The following DNAH11 variants were observed in gnomAD, a reference collection of about 807,000 sequenced individuals.
DNAH11 encodes axonemal beta dynein heavy chain 11.
A neutral mutation model predicts 526.0 loss-of-function variants in DNAH11; 442 were observed. That is an observed-to-expected ratio of 0.84 (90% CI 0.78 to 0.91). The LOEUF (loss-of-function observed/expected upper bound fraction) is 0.91, where lower values mean the gene tolerates loss of function less well. Ranked by LOEUF, DNAH11 falls within the 40% of genes least tolerant of loss-of-function variation. The pLI is 0.00. For missense variants in DNAH11, 6,989 were observed against 5,448.7 expected, an observed-to-expected ratio of 1.28 and a Z score of -8.90; for synonymous variants, 2,461 against 1,935.9, an observed-to-expected ratio of 1.27 and a Z score of -7.12.
chr7:21,799,686 T>TC (rs1160635070), intron 61 of DNAH11, among the ~76,000 whole-genome samples: 3 of 152,200 alleles, frequency 2.0e-5, no homozygotes, highest in African/African-American at 7.2e-5. Flanking sequence ...CCATCAATTC[T>TC]CATAAAGTTA....
chr7:21,614,400 A>G (rs1404736130), intron 20 of DNAH11, among the ~76,000 whole-genome samples: 1 of 152,080 alleles, frequency 6.6e-6, no homozygotes. Context: ...AACCTGAAGG[A>G]TTGCTTTCCT....
intron 65 of DNAH11, among the ~76,000 whole-genome samples, chr7:21,836,962 C>T (rs1782018394): frequency 6.6e-6 from 1 of 152,048 alleles, no homozygotes; most frequent in African/African-American, 2.4e-5. Flanking sequence ...TCTCAGAAGA[C>T]ATACAAATGA....
chr7:21,704,421 T>G lies in DNAH11; in HGVS notation c.6274-13T>G, dbSNP rs2965401. ...CTTGTATTGGCTTTTTTATAAAATG[T>G]TTTTTTTTCTAGGTACTCATGAGAG... is the stretch of plus-strand genomic sequence containing the variant. On this transcript the variant is annotated splice_polypyrimidine_tract_variant and intron_variant, in intron 37 of 81. Transcript: ENST00000409508. 0.27 allele frequency: 435,055 copies of G among 1,594,826 alleles called. 83,296 individuals are homozygous for G. Among genetic ancestry groups the G allele is most frequent in the African/African-American group, 0.82 (61,251 of 74,280 alleles).
intron 5 of DNAH11, among the ~76,000 whole-genome samples, chr7:21,563,167 AT>A (rs967628549): frequency 1.3e-5 from 2 of 151,794 alleles, no homozygotes; most frequent in African/African-American, 4.8e-5. Flanking sequence ...AAATATTTAA[AT>A]TTTTTTTCAT....
chr7:21,853,580 T>C (rs979983054), intron 67 of DNAH11, among the ~76,000 whole-genome samples: 11 of 152,350 alleles, frequency 7.2e-5, no homozygotes, highest in African/African-American at 2.6e-4. Context: ...TTTCCTTTTA[T>C]ACACAAATAT....
At position 21,655,865 on chromosome 7, in the gene DNAH11, A is replaced by G. The variant is rs1485427395; in HGVS notation, c.4978A>G (p.Ile1660Val). The change falls in exon 29 of 82, where the codon ATT becomes GTT. Residue 1660 changes from isoleucine (I) to valine (V), a missense_variant. Ile to Val is a conservative substitution (Grantham distance 29). Transcript: ENST00000409508. ...TCACCTTGCCAAACTTTTCGACAGC[A>G]TTGCAGATCTGCAGTTTGAAGACAA... Reference protein sequence around the residue: ...TCHLAKLFDSIADLQFEDNQD... With the variant: ...TCHLAKLFDSVADLQFEDNQD... 6 of 1,613,358 alleles carry G rather than the reference A, an allele frequency of 3.7e-6. No homozygotes were observed. In the South Asian group the frequency reaches 6.6e-5, roughly 18 times the overall value.
chr7:21,801,414 G>A, intron 62 of DNAH11, 139 bp downstream of exon 62: 2 of 1,179,136 alleles, frequency 1.7e-6, no homozygotes, highest in South Asian at 1.6e-5. Flanking sequence ...TCATCCTGTG[G>A]CTCTAACTCA....
chr7:21,653,455 G>T (rs959319789), intron 28 of DNAH11, among the ~76,000 whole-genome samples: 9 of 152,292 alleles, frequency 5.9e-5, no homozygotes, highest in Non-Finnish European at 8.8e-5. Flanking sequence ...TTACTATAGA[G>T]CTAGAAGTTC....
At chr7:21,852,379 C>G in intron 66 of DNAH11, 88 bp from the exon 67 acceptor site, 1 of 1,376,544 alleles carries the variant, frequency 7.3e-7, no homozygotes, top group Non-Finnish European at 9.7e-7. Context: ...TGTACTCCAG[C>G]CTGGGCGACA....
chr7:21,867,292 A>G (rs921779215), intron 71 of DNAH11, among the ~76,000 whole-genome samples: 11 of 152,174 alleles, frequency 7.2e-5, no homozygotes, highest in African/African-American at 2.7e-4. Context: ...CATGTGCCTC[A>G]GGTTTTTTCC....
chr7:21,756,361 G>T (rs1300009018), intron 54 of DNAH11, among the ~76,000 whole-genome samples: 2 of 151,904 alleles, frequency 1.3e-5, no homozygotes, highest in Non-Finnish European at 1.5e-5. Context: ...GGGGCTGTCT[G>T]TTATGTCCCA....
rs553943791 is a variant in DNAH11 at position 21,864,559 on chromosome 7, G to C, written c.11398G>C (p.Asp3800His). 9.3e-6 allele frequency: 15 copies of C among 1,611,586 alleles called. No individual in the cohort carries two copies. In the East Asian group the frequency reaches 2.7e-4, roughly 29 times the overall value. ...FQILLRKKEI[D>H]PLELDFLLRF... ...GATTTTGTTGAGAAAGAAAGAGATA[G>C]ACCCTCTTGAATTGGATTTCCTGCT... Residue 3800 changes from aspartate to histidine, a missense_variant, in exon 70 of 82, where the codon GAC becomes CAC. Physicochemically the swap from Asp to His is moderately conservative, Grantham distance 81 (BLOSUM62 -1). Transcript: ENST00000409508.
chr7:21,867,840 A>C lies in DNAH11; in HGVS notation c.11691-19A>C, dbSNP rs4995598. The C allele has an allele frequency of 6.4e-7, 1 of 1,555,222 alleles. No homozygotes were observed. The highest frequency in any genetic ancestry group is 8.7e-7 in the Non-Finnish European group (1 of 1,148,544). Reference sequence around the variant, plus strand: ...GGTCAAAACCACTGATCATGTTTTTATATTCTTGTTTTTTATAGAAATTTT... The same window carrying C: ...GGTCAAAACCACTGATCATGTTTTTCTATTCTTGTTTTTTATAGAAATTTT... On this transcript the variant is annotated intron_variant, in intron 71 of 81. Transcript: ENST00000409508.
intron 55 of DNAH11, 96 bp downstream of exon 55, chr7:21,765,685 C>A: frequency 7.2e-7 from 1 of 1,390,884 alleles, no homozygotes; most frequent in Non-Finnish European, 9.5e-7. Flanking sequence ...TAGGTAAGTG[C>A]TTTCCACAGT....
At chr7:21,674,804 A>G (rs1167815127) in intron 30 of DNAH11, among the ~76,000 whole-genome samples, 1 of 151,980 alleles carries the variant, frequency 6.6e-6, no homozygotes, top group East Asian at 1.9e-4. Context: ...AATCTAAAAG[A>G]TCCAGTGCAC....
chr7:21,600,583 C>T, intron 15 of DNAH11, 93 bp from the exon 16 acceptor site: 1 of 1,326,080 alleles, frequency 7.5e-7, no homozygotes, highest in Non-Finnish European at 9.9e-7. Flanking sequence ...ACTACTCTCC[C>T]TTTGAAGAAT....
At chr7:21,709,044 A>G (rs1399319733) in intron 40 of DNAH11, among the ~76,000 whole-genome samples, 1 of 152,184 alleles carries the variant, frequency 6.6e-6, no homozygotes, top group Non-Finnish European at 1.5e-5. Flanking sequence ...TTAAAACGGA[A>G]CTACCGTTTG....
intron 54 of DNAH11, among the ~76,000 whole-genome samples, chr7:21,753,010 C>G (rs949121264): frequency 1.3e-5 from 2 of 152,212 alleles, no homozygotes; most frequent in African/African-American, 4.8e-5. Flanking sequence ...ATAATCTTTA[C>G]TAGAAGCAGT....
In DNAH11 at chr7:21,807,961, C is replaced by A. The variant is rs778003957; in HGVS notation, c.10244C>A (p.Ala3415Glu). Reference protein sequence around the residue: ...KTLCGDVLLTAAFVSYVGPFT... With the variant: ...KTLCGDVLLTEAFVSYVGPFT... The stretch of plus-strand genomic sequence containing the variant: ...CTCTGTGGAGATGTTCTTCTCACGG[C>A]GGCATTTGTGTCTTACGTCGGACCC... The change falls in exon 63 of 82, where the codon GCG becomes GAG. Residue 3415 changes from alanine (A) to glutamate (E), a missense_variant. Transcript: ENST00000409508. 1 of 1,608,146 alleles carries A rather than the reference C, an allele frequency of 6.2e-7. No homozygotes were observed. Among genetic ancestry groups the A allele is most frequent in the South Asian group, 1.1e-5 (1 of 90,056 alleles).
Sources: gnomAD v4.1 joint callset for allele counts (sites outside exome capture counted in the v4.1 genomes callset) on GRCh38, gnomAD v4.1.1 for gene constraint, MANE v1.5 for transcripts, NCBI Gene and HGNC (gene_info 2026-07-23, HGNC 2026-07-21) for gene names.